KCNAB1: variants seen among roughly 807,000 people sequenced by gnomAD.
KCNAB1 encodes potassium voltage-gated channel subfamily A regulatory beta subunit 1.
KCNAB1 carries 35 observed loss-of-function variants against 64.6 expected under a neutral mutation model. That is an observed-to-expected ratio of 0.54 (90% CI 0.41 to 0.72). The LOEUF (loss-of-function observed/expected upper bound fraction) is 0.72. Ranked by LOEUF, KCNAB1 falls within the 30% of genes least tolerant of loss-of-function variation. The probability of loss-of-function intolerance (pLI) is 0.00; values close to 1 mark genes in which losing one functional copy is unlikely to be tolerated. For synonymous variants in KCNAB1, 177 were observed against 183.8 expected (o/e 0.96, Z 0.30); for missense variants, 401 against 512.9 (o/e 0.78, Z 2.11).
intron 1 of KCNAB1, among the ~76,000 whole-genome samples, chr3:156,329,084 G>T (rs1723168767): frequency 6.6e-6 from 1 of 152,086 alleles, no homozygotes; most frequent in South Asian, 2.1e-4. Flanking sequence ...CTTTTTGCTG[G>T]TGACAACCTT....
chr3:156,531,539 T>C (rs763014307), intron 13 of KCNAB1, 42 bp downstream of exon 13: 26 of 1,409,176 alleles, frequency 1.8e-5, no homozygotes, highest in Non-Finnish European at 2.5e-5. Flanking sequence ...AATTTAATGG[T>C]GCCTTTGAGG....
intron 1 of KCNAB1, among the ~76,000 whole-genome samples, chr3:156,141,533 T>A: frequency 7.1e-6 from 1 of 141,768 alleles, no homozygotes; most frequent in African/African-American, 2.8e-5. Context: ...TGGTATTAGC[T>A]TTTTTTTTTT....
intron 1 of KCNAB1, among the ~76,000 whole-genome samples, chr3:156,395,952 G>A (rs1215762312): frequency 1.3e-5 from 2 of 152,164 alleles, no homozygotes; most frequent in Non-Finnish European, 2.9e-5. Context: ...CAAGATTGGT[G>A]CTTCTAAAAG....
intron 1 of KCNAB1, among the ~76,000 whole-genome samples, chr3:156,365,493 C>T (rs1725892379): frequency 6.6e-6 from 1 of 152,188 alleles, no homozygotes; most frequent in South Asian, 2.1e-4. Context: ...CCTCCAAATT[C>T]TCCTAGCTTG....
At chr3:156,253,630 C>T (rs1289130813) in intron 1 of KCNAB1, among the ~76,000 whole-genome samples, 1 of 152,222 alleles carries the variant, frequency 6.6e-6, no homozygotes, top group Non-Finnish European at 1.5e-5. Context: ...TTCTTCTAAG[C>T]AGCCATGTGT....
Position 156,452,871 on chromosome 3 carries a change from T to A in KCNAB1, c.320-28T>A. The A allele has an allele frequency of 6.5e-7, 1 of 1,528,684 alleles. No individual in the cohort carries two copies. Among genetic ancestry groups the A allele is most frequent in the Non-Finnish European group, 9.0e-7 (1 of 1,113,472 alleles). The allele number at this position is 1,528,684 out of a possible 1,614,324, so 94.7% of individuals were successfully genotyped here. On this transcript the variant is annotated intron_variant, in intron 2 of 13. Coordinates refer to ENST00000490337, the MANE Select transcript of KCNAB1 (RefSeq NM_172160.3). The surrounding 1 kb of genome is among the most constrained non-coding windows in gnomAD (Gnocchi z 4.6). Reference sequence around the variant, plus strand: ...ACAATATTAGAAAAATGATGATGAATAATATGCAAATATTTATTATTTTCT... The same window carrying A: ...ACAATATTAGAAAAATGATGATGAAAAATATGCAAATATTTATTATTTTCT...
chr3:156,357,739 A>G (rs894345958), intron 1 of KCNAB1, among the ~76,000 whole-genome samples: 1 of 151,142 alleles, frequency 6.6e-6, no homozygotes, highest in Non-Finnish European at 1.5e-5. Context: ...ATCATATATC[A>G]TGATTCAGAT....
At chr3:156,448,757 G>A (rs1347248752) in intron 2 of KCNAB1, among the ~76,000 whole-genome samples, 3 of 131,744 alleles carry the variant, frequency 2.3e-5, no homozygotes, top group African/African-American at 8.0e-5. Flanking sequence ...TGTTTGGTAG[G>A]AAATATTCAT....
intron 1 of KCNAB1, among the ~76,000 whole-genome samples, chr3:156,298,917 G>A (rs970215485): frequency 6.6e-6 from 1 of 152,156 alleles, no homozygotes; most frequent in African/African-American, 2.4e-5. Context: ...TGGAATTCAA[G>A]GCAAAAGTCC....
intron 11 of KCNAB1, chr3:156,523,613 A>T: frequency 2.0e-6 from 1 of 502,330 alleles, no homozygotes. Flanking sequence ...TTGAATGGTG[A>T]ATATTAGTCA....
At chr3:156,392,708 T>TA (rs1334641338) in intron 1 of KCNAB1, among the ~76,000 whole-genome samples, 1 of 152,218 alleles carries the variant, frequency 6.6e-6, no homozygotes, top group Non-Finnish European at 1.5e-5. Context: ...AATGTTAATA[T>TA]AAGCAAATAA....
At chr3:156,330,252 C>T (rs1424393611) in intron 1 of KCNAB1, among the ~76,000 whole-genome samples, 1 of 152,060 alleles carries the variant, frequency 6.6e-6, no homozygotes, top group Admixed American at 6.5e-5. Context: ...CAGCTAAATG[C>T]ATATCCTTAG....
Position 156,463,599 on chromosome 3 carries a change from G to A in KCNAB1, c.483-103G>A, listed in dbSNP as rs68108709. The A allele has an allele frequency of 5.9e-3, 5,310 of 902,908 alleles. 20 individuals are homozygous for A. Among genetic ancestry groups the A allele is most frequent in the Non-Finnish European group, 7.3e-3 (4,224 of 581,220 alleles). 55.9% of individuals were successfully genotyped at this position (902,908 alleles called of 1,614,324 possible). ...CTCTTTACCAATTTTTAAAATGTGA[G>A]GTATAATAACAAATTCTTTCTGGTG... On this transcript the variant is annotated intron_variant, in intron 5 of 13. Transcript: ENST00000490337.
rs1716956770 is a variant in KCNAB1 at position 156,508,373 on chromosome 3, C to T, written c.659-5991C>T. On this transcript the variant is annotated intron_variant, in intron 8 of 13. Transcript: ENST00000490337. The surrounding 1 kb of genome is among the most constrained non-coding windows in gnomAD (Gnocchi z 4.1). ...TTCATGCAGTACAACTATTTGCTTA[C>T]AACTTTCAAAGTTCTAGGGAACATT... Among the ~76,000 whole-genome samples the T allele has an allele frequency of 6.6e-6, 1 of 152,118 alleles. No homozygotes were observed. The highest frequency in any genetic ancestry group is 6.5e-5 in the Admixed American group (1 of 15,276).
chr3:156,160,176 C>T (rs1560113370), intron 1 of KCNAB1, among the ~76,000 whole-genome samples: 1 of 152,062 alleles, frequency 6.6e-6, no homozygotes, highest in Non-Finnish European at 1.5e-5. Context: ...TTTGAAGGCC[C>T]AAGAGCTAGG....
chr3:156,364,455 A>G (rs894363176), intron 1 of KCNAB1, among the ~76,000 whole-genome samples: 1 of 152,204 alleles, frequency 6.6e-6, no homozygotes, highest in African/African-American at 2.4e-5. Context: ...TCCCTCACAC[A>G]GCAATGGAGA....
intron 1 of KCNAB1, among the ~76,000 whole-genome samples, chr3:156,398,931 A>AACC (rs752822970): frequency 1.6e-4 from 24 of 152,146 alleles, no homozygotes; most frequent in Non-Finnish European, 3.2e-4. Flanking sequence ...CAGCCACACT[A>AACC]ACCACCCAGT....
intron 1 of KCNAB1, among the ~76,000 whole-genome samples, chr3:156,188,992 T>C (rs905107527): frequency 6.6e-6 from 1 of 152,104 alleles, no homozygotes; most frequent in East Asian, 1.9e-4. Flanking sequence ...GCTGACAAGG[T>C]CTCTTCTTGG....
At position 156,135,368 on chromosome 3, in the gene KCNAB1, A is replaced by C. The variant is rs140731594; in HGVS notation, c.275+14482A>C. Among the ~76,000 whole-genome samples, 341 of 152,198 alleles carry C rather than the reference A, an allele frequency of 2.2e-3. 1 individual carries two copies. The highest frequency in any genetic ancestry group is 0.011 in the South Asian group (51 of 4,820). On this transcript the variant is annotated intron_variant, in intron 1 of 13. Coordinates refer to ENST00000490337, the MANE Select transcript of KCNAB1 (RefSeq NM_172160.3). ...TAATAACTCAGAGAGTATTCAAATC[A>C]TGCAACTATTAGGCTGCCAGGCAAA...
Sources: gnomAD v4.1 joint callset for allele counts (sites outside exome capture counted in the v4.1 genomes callset) on GRCh38, gnomAD v4.1.1 for gene constraint, Gnocchi (gnomAD v3.1) non-coding constraint, MANE v1.5 for transcripts, NCBI Gene and HGNC (gene_info 2026-07-23, HGNC 2026-07-21) for gene names.